TTLL7: variants seen among roughly 807,000 people sequenced by gnomAD.
TTLL7 encodes tubulin polyglutamylase TTLL7.
TTLL7 carries 53 observed loss-of-function variants against 120.2 expected under a neutral mutation model. That is an observed-to-expected ratio of 0.44 (90% CI 0.35 to 0.55). The LOEUF (loss-of-function observed/expected upper bound fraction) is 0.55. Among genes scored for constraint, TTLL7 ranks in the 20% least tolerant of loss-of-function variants. The probability of loss-of-function intolerance (pLI) is 0.00; values close to 1 mark genes in which losing one functional copy is unlikely to be tolerated. For missense variants in TTLL7, 803 were observed against 1,054.7 expected (o/e 0.76, Z 3.31); for synonymous variants, 353 against 351.7 (o/e 1.00, Z -0.04).
intron 1 of TTLL7, among the ~76,000 whole-genome samples, chr1:83,963,398 G>T (rs1650179431): frequency 6.6e-6 from 1 of 151,764 alleles, no homozygotes; most frequent in Admixed American, 6.6e-5. Flanking sequence ...ACAGCCTGTG[G>T]ATGAAGTCAA....
chr1:83,989,512 T>C (rs779519767), intron 1 of TTLL7, among the ~76,000 whole-genome samples: 4 of 152,236 alleles, frequency 2.6e-5, no homozygotes, highest in Non-Finnish European at 5.9e-5. Context: ...TTCCCTGGTC[T>C]ATGTGTCTGT....
chr1:83,906,776 G>GA (rs972135989), intron 16 of TTLL7, among the ~76,000 whole-genome samples: 17 of 150,894 alleles, frequency 1.1e-4, no homozygotes, highest in Non-Finnish European at 1.8e-4. Context: ...TTCTTGATTA[G>GA]AAAAAAAAAT....
intron 5 of TTLL7, chr1:83,947,485 G>T: frequency 5.9e-6 from 2 of 341,158 alleles, no homozygotes; most frequent in Non-Finnish European, 1.0e-5. Flanking sequence ...ATTCATCAGT[G>T]AAAAAAAAAA....
chr1:83,878,064 T>A (rs956249422), intron 20 of TTLL7, among the ~76,000 whole-genome samples: 1 of 151,878 alleles, frequency 6.6e-6, no homozygotes, highest in Non-Finnish European at 1.5e-5. Context: ...CATTATAATC[T>A]CTTATTTGAT....
chr1:83,890,132 T>G lies in TTLL7; in HGVS notation c.2369+189A>C, dbSNP rs984881701. ...CCGAATTCAAATTAATTAGGTGGTG[T>G]TGTGTTCATATTCATCATCTTATCT... is the stretch of plus-strand genomic sequence containing the variant. On this transcript the variant is annotated intron_variant, in intron 19 of 20. Coordinates refer to ENST00000260505, the MANE Select transcript of TTLL7 (RefSeq NM_024686.6). 3.4e-4 allele frequency among the ~76,000 whole-genome samples: 52 copies of G among 152,120 alleles called. 2 individuals carry two copies. Among genetic ancestry groups the G allele is most frequent in the Admixed American group, 3.0e-3 (46 of 15,242 alleles).
At chr1:83,989,142 T>C (rs1347055313) in intron 1 of TTLL7, among the ~76,000 whole-genome samples, 3 of 152,234 alleles carry the variant, frequency 2.0e-5, no homozygotes, top group African/African-American at 7.2e-5. Context: ...CTGTCTACTC[T>C]GCTGTTAGTT....
chr1:83,988,716 C>CA (rs900640274), intron 1 of TTLL7, among the ~76,000 whole-genome samples: 10 of 145,738 alleles, frequency 6.9e-5, no homozygotes, highest in Non-Finnish European at 1.1e-4. Flanking sequence ...CTTTGGCCAC[C>CA]TTTTTTTTTT....
At chr1:83,980,868 T>A (rs539088907) in intron 1 of TTLL7, 3 of 152,196 alleles carry the variant, frequency 2.0e-5, no homozygotes, top group African/African-American at 7.2e-5. Context: ...AGGACCTAAA[T>A]GGAAGTAAAG....
In TTLL7 at chr1:83,866,140, G is replaced by T. The variant is rs1351141669; in HGVS notation, c.*3822C>A. On this transcript the variant is annotated 3_prime_UTR_variant, in exon 21 of 21. Coordinates refer to ENST00000260505, the MANE Select transcript of TTLL7 (RefSeq NM_024686.6). The stretch of plus-strand genomic sequence containing the variant: ...AAGTTTAAATTAGCATTACAGAACA[G>T]AAAAGGAAAGTTTTCTGTCACTCTT... 1 of 151,676 alleles carries T rather than the reference G, an allele frequency of 6.6e-6. No individual in the cohort carries two copies. The highest frequency in any genetic ancestry group is 2.4e-5 in the African/African-American group (1 of 41,388). The allele number at this position is 151,676 out of a possible 1,614,324, so 9.4% of individuals were successfully genotyped here. A position where few individuals can be genotyped will look rare whatever the true frequency, so the allele number is the denominator to read the frequency against.
chr1:83,895,910 C>T (rs977472251), intron 18 of TTLL7, among the ~76,000 whole-genome samples: 1 of 152,014 alleles, frequency 6.6e-6, no homozygotes, highest in African/African-American at 2.4e-5. Flanking sequence ...CTAGGCACCC[C>T]CTCCTTTATG....
intron 18 of TTLL7, among the ~76,000 whole-genome samples, chr1:83,891,861 T>A (rs1021211210): frequency 1.3e-5 from 2 of 151,978 alleles, no homozygotes; most frequent in Admixed American, 6.6e-5. Context: ...AAGGTCTCGC[T>A]CTGTCACCCA....
chr1:83,887,288 T>C, intron 19 of TTLL7: 2 of 1,116,102 alleles, frequency 1.8e-6, no homozygotes, highest in Non-Finnish European at 2.3e-6. Flanking sequence ...CACGTAACTG[T>C]GAAAGAAAGT....
chr1:83,914,034 T>C (rs1049681982), intron 14 of TTLL7, among the ~76,000 whole-genome samples: 1 of 152,218 alleles, frequency 6.6e-6, no homozygotes, highest in Non-Finnish European at 1.5e-5. Flanking sequence ...TATTCACTTT[T>C]ACAGATACTC....
In TTLL7 at chr1:83,919,788, T is replaced by G. The variant is rs762113054; in HGVS notation, c.1411A>C (p.Asn471His). 2.5e-6 allele frequency: 4 copies of G among 1,612,920 alleles called. No individual in the cohort carries two copies. The Admixed American group carries it at 6.7e-5, about 27-fold the overall frequency. The part of the protein sequence containing the change: ...EDKALLEKYE[N>H]LLAVAFQTFL... ...GTCTGAAAGGCAACAGCTAACAAATTTTCATACTTTTCAAGTAATGCTTTA... is the reference window on the plus strand; with the variant it reads ...GTCTGAAAGGCAACAGCTAACAAATGTTCATACTTTTCAAGTAATGCTTTA... The change falls in exon 13 of 21, where the codon AAT becomes CAT. Residue 471 changes from asparagine to histidine, a missense_variant. Coordinates refer to ENST00000260505, the MANE Select transcript of TTLL7 (RefSeq NM_024686.6).
chr1:83,921,109 T>C lies in TTLL7; in HGVS notation c.1342A>G (p.Asn448Asp), dbSNP rs372313045. The change falls in exon 12 of 21, where the codon AAT becomes GAT. Residue 448 changes from asparagine to aspartate, a missense_variant. Asn to Asp is a conservative substitution (Grantham distance 23). Around this residue, in one of 3 missense-constraint regions of TTLL7, gnomAD observed 324 missense variants for 507.7 expected, o/e 0.64. Transcript: ENST00000260505. ...RKQISREEHE[N>D]RHMGNYRRIY... ...TACCTATAATTCCCCATATGTCGATTTTCATGTTCTTCTCGTGAGATCTGC... is the reference window on the plus strand; with the variant it reads ...TACCTATAATTCCCCATATGTCGATCTTCATGTTCTTCTCGTGAGATCTGC... 4 of 1,612,828 alleles carry C rather than the reference T, an allele frequency of 2.5e-6. No homozygotes were observed. The African/African-American group carries it at 5.3e-5, about 22-fold the overall frequency.
intron 9 of TTLL7, 45 bp downstream of exon 9, chr1:83,933,563 G>C: frequency 6.3e-7 from 1 of 1,583,958 alleles, no homozygotes; most frequent in South Asian, 1.2e-5. Flanking sequence ...ATTTTAATAC[G>C]TAAGGACAGT....
intron 14 of TTLL7, among the ~76,000 whole-genome samples, chr1:83,914,392 C>T (rs1431229650): frequency 2.3e-5 from 3 of 127,690 alleles, no homozygotes; most frequent in Non-Finnish European, 4.7e-5. Flanking sequence ...AGTGCAGTGG[C>T]GCGATCTTGG....
intron 1 of TTLL7, among the ~76,000 whole-genome samples, chr1:83,992,029 G>A (rs555562966): frequency 2.6e-5 from 4 of 152,160 alleles, no homozygotes; most frequent in African/African-American, 9.6e-5. Flanking sequence ...GATGAAAATA[G>A]GTCTTGATGC....
At chr1:83,985,303 A>AG (rs1652340899) in intron 1 of TTLL7, among the ~76,000 whole-genome samples, 1 of 152,212 alleles carries the variant, frequency 6.6e-6, no homozygotes, top group Non-Finnish European at 1.5e-5. Context: ...TCCAAAGGGC[A>AG]GGAGAAGCAG....
Sources: allele counts gnomAD v4.1 joint callset (sites outside exome capture counted in the v4.1 genomes callset), GRCh38; gene constraint gnomAD v4.1.1; regional missense constraint gnomAD v4.1.1; transcripts MANE v1.5; gene names NCBI Gene and HGNC (gene_info 2026-07-23, HGNC 2026-07-21).